Variants in PITPNM2 observed in about 807,000 individuals in gnomAD.
The protein encoded by PITPNM2 is membrane-associated phosphatidylinositol transfer protein 2.
Under a neutral mutation model 132.2 loss-of-function variants are expected in PITPNM2, and 35 were observed. That is an observed-to-expected ratio of 0.26 (90% CI 0.20 to 0.35). The LOEUF is 0.35. Ranked by LOEUF, PITPNM2 falls within the 10% of genes least tolerant of loss-of-function variation. The pLI is 1.00. For synonymous variants in PITPNM2, 738 were observed against 799.2 expected (o/e 0.92, Z 1.29); for missense variants, 1,332 against 1,912.0 (o/e 0.70, Z 5.66).
chr12:123,138,639 T>C (rs146275632), intron 1 of PITPNM2, among the ~76,000 whole-genome samples: 1 of 152,094 alleles, frequency 6.6e-6, no homozygotes, highest in East Asian at 1.9e-4. Context: ...GGTAAATCAA[T>C]AGAAACAGAA....
At chr12:123,060,560 T>G (rs754582578) in intron 2 of PITPNM2, among the ~76,000 whole-genome samples, 12 of 152,216 alleles carry the variant, frequency 7.9e-5, no homozygotes, top group Admixed American at 5.2e-4. Flanking sequence ...GGGAAGTGAC[T>G]GCACACAGGA....
intron 2 of PITPNM2, among the ~76,000 whole-genome samples, chr12:123,052,106 T>TTTTTG (rs2040880898): frequency 6.7e-6 from 1 of 150,008 alleles, no homozygotes; most frequent in Non-Finnish European, 1.5e-5. Flanking sequence ...TTTGTATTTT[T>TTTTTG]AGTAGAGACC....
intron 1 of PITPNM2, among the ~76,000 whole-genome samples, chr12:123,129,253 T>G (rs956226755): frequency 6.7e-6 from 1 of 149,806 alleles, no homozygotes; most frequent in Non-Finnish European, 1.5e-5. Flanking sequence ...CTGGGCAACA[T>G]GGGAGTCCTG....
At position 122,990,661 on chromosome 12, in the gene PITPNM2, G is replaced by A; in HGVS notation, c.2453C>T (p.Pro818Leu). The change falls in exon 17 of 26, where the codon CCC becomes CTC. Residue 818 changes from proline to leucine, a missense_variant. This residue lies in a region of PITPNM2 where 710 missense variants were observed against 911.5 expected (regional missense o/e 0.78). Transcript: ENST00000320201. ...HNAAFQEHGAPSSPGTAPASR... is the reference protein window; with the variant it reads ...HNAAFQEHGALSSPGTAPASR... ...GGCAGGGGCAGTGCCCGGCGAGGAG[G>A]GGGCGCCATGCTCTTGGAAGGCTGC... is the stretch of plus-strand genomic sequence containing the variant. 2 of 1,611,862 alleles carry A rather than the reference G, an allele frequency of 1.2e-6. No individual in the cohort carries two copies. Among genetic ancestry groups the A allele is most frequent in the Non-Finnish European group, 1.7e-6 (2 of 1,179,918 alleles).
In PITPNM2 at chr12:123,117,344, C is replaced by T. The variant is rs1365119605; in HGVS notation, c.-199-6856G>A. Among the ~76,000 whole-genome samples, 2 of 148,610 alleles carry T rather than the reference C, an allele frequency of 1.3e-5. No homozygotes were observed. The highest frequency in any genetic ancestry group is 3.8e-4 in the East Asian group (2 of 5,196). ...ATCAACTCAAGCTGTCACTTAATTA[C>T]ACGACTCTCTATCTGTGCAGAGCAG... is the stretch of plus-strand genomic sequence containing the variant. On this transcript the variant is annotated intron_variant, in intron 1 of 25. Transcript: ENST00000320201. The surrounding 1 kb of genome is among the most constrained non-coding windows in gnomAD (Gnocchi z 4.7).
At chr12:123,020,720 T>C (rs920632724) in intron 3 of PITPNM2, among the ~76,000 whole-genome samples, 1 of 152,002 alleles carries the variant, frequency 6.6e-6, no homozygotes, top group Admixed American at 6.6e-5. Context: ...GAGGCCGGGC[T>C]GCAGTTGAAA....
chr12:123,057,332 A>G (rs2041067140), intron 2 of PITPNM2, among the ~76,000 whole-genome samples: 1 of 150,680 alleles, frequency 6.6e-6, no homozygotes, highest in Admixed American at 6.6e-5. Context: ...GTGAGCCGAG[A>G]TCACACCATT....
At position 122,988,870 on chromosome 12, in the gene PITPNM2, C is replaced by T. The variant is rs551002395; in HGVS notation, c.2734G>A (p.Ala912Thr). The T allele has an allele frequency of 1.1e-5, 17 of 1,560,662 alleles. No individual in the cohort carries two copies. The highest frequency in any genetic ancestry group is 7.1e-5 in the South Asian group (6 of 84,738). Residue 912 changes from alanine to threonine, a missense_variant and splice_region_variant, in exon 19 of 26, where the codon GCT becomes ACT. Physicochemically the swap from Ala to Thr is moderately conservative, Grantham distance 58. Transcript: ENST00000320201. ...CGCTTCTGGCCCCACCACTTTGCAG[C>T]GACTGCCAGGAGGGGCCGTGACTGG... ...GLPELDIGEV[A>T]AKWWGQKRID...
chr12:123,083,040 G>A lies in PITPNM2; in HGVS notation c.-96+27345C>T, dbSNP rs1184461215. 6.6e-6 allele frequency: 1 copy of A among 152,166 alleles called. No homozygotes were observed. Among genetic ancestry groups the A allele is most frequent in the Admixed American group, 6.5e-5 (1 of 15,290 alleles). The allele number at this position is 152,166 out of a possible 1,614,324, so 9.4% of individuals were successfully genotyped here. On this transcript the variant is annotated intron_variant, in intron 2 of 25. Coordinates refer to ENST00000320201, the MANE Select transcript of PITPNM2 (RefSeq NM_020845.3). This position sits in a 1 kb window ranked among gnomAD's most constrained non-coding sequence, Gnocchi z 4.5. ...TGTCTTATGGGTTCATCCATGTGTC[G>A]TAGCATGTTCTTTTTAAAATATTGC...
At chr12:123,056,608 G>A (rs2041036982) in intron 2 of PITPNM2, among the ~76,000 whole-genome samples, 1 of 152,118 alleles carries the variant, frequency 6.6e-6, no homozygotes, top group South Asian at 2.1e-4. Flanking sequence ...GAGGGAAAGA[G>A]CTGAGCTGCC....
At chr12:123,012,786 G>A (rs757364762) in intron 4 of PITPNM2, 52 bp from the exon 5 acceptor site, 176 of 1,599,896 alleles carry the variant, frequency 1.1e-4, no homozygotes, top group Non-Finnish European at 1.4e-4. Flanking sequence ...GAGGCCCAGT[G>A]TCCTGGCCAG....
chr12:123,123,170 C>T (rs2043064704), intron 1 of PITPNM2, among the ~76,000 whole-genome samples: 1 of 152,160 alleles, frequency 6.6e-6, no homozygotes, highest in South Asian at 2.1e-4. Context: ...CATGATGGTC[C>T]ACCCATGAGC....
At chr12:123,143,814 TTGTC>T (rs1203955686) in intron 1 of PITPNM2, among the ~76,000 whole-genome samples, 1 of 152,184 alleles carries the variant, frequency 6.6e-6, no homozygotes, top group African/African-American at 2.4e-5. Context: ...GGAGGACAGC[TTGTC>T]TTTCTGTAGC....
At position 123,064,427 on chromosome 12, in the gene PITPNM2, T is replaced by C. The variant is rs1396299257; in HGVS notation, c.-95-29742A>G. Among the ~76,000 whole-genome samples the C allele has an allele frequency of 6.6e-6, 1 of 152,136 alleles. No individual in the cohort carries two copies. Among genetic ancestry groups the C allele is most frequent in the Admixed American group, 6.5e-5 (1 of 15,274 alleles). On this transcript the variant is annotated intron_variant, in intron 2 of 25. Coordinates refer to ENST00000320201, the MANE Select transcript of PITPNM2 (RefSeq NM_020845.3). The surrounding 1 kb of genome is among the most constrained non-coding windows in gnomAD (Gnocchi z 4.0). The stretch of plus-strand genomic sequence containing the variant: ...CGGGGCACAGGTATGTGCAGGAGCA[T>C]CAAGACCTGGGCTGGGGGTGGCACA...
rs142988497 is a variant in PITPNM2 at position 122,996,509 on chromosome 12, C to T, written c.1731G>A (p.Pro577=). The T allele has an allele frequency of 1.8e-4, 291 of 1,613,090 alleles. 1 individual carries two copies. The African/African-American group carries it at 2.9e-3, about 16-fold the overall frequency. ...GGCTGCTGCTCTGACTCTCAGACAC[C>T]GGCTGGTTACTGTAGCACAGGGCAT... The part of the protein sequence containing the change: ...AFDALCYSNQ[P]VSESQSSSRR... Residue 577 remains proline (P), a synonymous_variant, in exon 13 of 26, where the codon CCG becomes CCA. Coordinates refer to ENST00000320201, the MANE Select transcript of PITPNM2 (RefSeq NM_020845.3).
chr12:123,075,663 G>C (rs961781286), intron 2 of PITPNM2: 3 of 152,212 alleles, frequency 2.0e-5, no homozygotes, highest in Admixed American at 6.6e-5. Context: ...CGGCGGCCCA[G>C]GCTCCCACCT....
At chr12:123,151,156 G>GGGAGCGGCGGCGGCGGC (rs1459961711), upstream of PITPNM2, among the ~76,000 whole-genome samples, 3 of 146,206 alleles carry the variant, frequency 2.1e-5, no homozygotes, top group East Asian at 6.0e-4. Flanking sequence ...GGCCGCGCGG[G>GGGAGCGGCGGCGGCGGC]GGAGCGGCGG....
chr12:123,030,531 A>G (rs1243336696), intron 3 of PITPNM2, among the ~76,000 whole-genome samples: 2 of 152,112 alleles, frequency 1.3e-5, no homozygotes, highest in Admixed American at 6.6e-5. Context: ...GTCTCTACTA[A>G]AAATACAAAA....
chr12:123,107,462 C>T (rs559914153), intron 2 of PITPNM2, among the ~76,000 whole-genome samples: 1 of 152,184 alleles, frequency 6.6e-6, no homozygotes, highest in Non-Finnish European at 1.5e-5. Context: ...CCACCCACCA[C>T]CTGCCACCCC....
Sources: allele counts gnomAD v4.1 joint callset (sites outside exome capture counted in the v4.1 genomes callset), GRCh38; gene constraint gnomAD v4.1.1; regional missense constraint gnomAD v4.1.1; non-coding constraint Gnocchi (gnomAD v3.1); transcripts MANE v1.5; gene names NCBI Gene and HGNC (gene_info 2026-07-23, HGNC 2026-07-21).